Variants in SOX5 observed in about 807,000 individuals in gnomAD.
SOX5 encodes the protein transcription factor SOX-5.
A neutral mutation model predicts 92.0 loss-of-function variants in SOX5; 9 were observed. The observed-to-expected ratio is 0.10, with a 90% CI of 0.06 to 0.17. The LOEUF (loss-of-function observed/expected upper bound fraction) is 0.17, where lower values mean the gene tolerates loss of function less well. Ranked by LOEUF, SOX5 falls within the 10% of genes least tolerant of loss-of-function variation. The probability of loss-of-function intolerance (pLI) is 1.00; values close to 1 mark genes in which losing one functional copy is unlikely to be tolerated. For synonymous variants in SOX5, 344 were observed against 336.3 expected (o/e 1.02, Z -0.25); for missense variants, 642 against 944.5 (o/e 0.68, Z 4.20).
intron 2 of SOX5, among the ~76,000 whole-genome samples, chr12:24,346,537 C>T (rs1373241446): frequency 2.0e-5 from 3 of 151,124 alleles, no homozygotes; most frequent in Admixed American, 6.6e-5. Context: ...TTGCAACCTC[C>T]GCCTCCCAGA....
At chr12:23,569,196 C>A (rs146334401) in intron 10 of SOX5, among the ~76,000 whole-genome samples, 1,649 of 152,000 alleles carry the variant, frequency 0.011, 34 homozygotes, top group African/African-American at 0.038. Context: ...TGTCTAAAGA[C>A]AAAAATAAAA....
intron 3 of SOX5, among the ~76,000 whole-genome samples, chr12:24,236,340 A>G (rs747503135): frequency 2.0e-5 from 3 of 152,234 alleles, no homozygotes; most frequent in Non-Finnish European, 4.4e-5. Context: ...GTTCTAATCC[A>G]CTACATTCAT....
At chr12:24,089,994 TACGTAAGACC>T (rs1209778620) in intron 4 of SOX5, among the ~76,000 whole-genome samples, 6 of 152,158 alleles carry the variant, frequency 3.9e-5, no homozygotes, top group African/African-American at 1.4e-4. Flanking sequence ...AAGGAATCAA[TACGTAAGACC>T]ACGTAAAACA....
intron 1 of SOX5, among the ~76,000 whole-genome samples, chr12:24,387,616 C>T (rs886158310): frequency 1.3e-5 from 2 of 152,140 alleles, no homozygotes; most frequent in South Asian, 2.1e-4. Flanking sequence ...AAAAGACACA[C>T]AAGCTTCTCT....
At chr12:24,100,169 G>T (rs1454209155) in intron 4 of SOX5, among the ~76,000 whole-genome samples, 2 of 151,932 alleles carry the variant, frequency 1.3e-5, no homozygotes, top group Non-Finnish European at 2.9e-5. Flanking sequence ...CAAACGTTCT[G>T]TTATTTCCCA....
intron 1 of SOX5, among the ~76,000 whole-genome samples, chr12:24,411,108 G>T (rs1963988392): frequency 6.6e-6 from 1 of 152,000 alleles, no homozygotes; most frequent in East Asian, 1.9e-4. Flanking sequence ...TTCATTGCTA[G>T]TATTAATATA....
intron 4 of SOX5, among the ~76,000 whole-genome samples, chr12:23,965,231 G>A (rs535563292): frequency 2.0e-4 from 31 of 152,302 alleles, no homozygotes; most frequent in South Asian, 1.2e-3. Context: ...TTCATTGTCC[G>A]GAACAGGTGG....
At chr12:23,622,505 C>T (rs754104396) in intron 8 of SOX5, among the ~76,000 whole-genome samples, 4 of 143,936 alleles carry the variant, frequency 2.8e-5, no homozygotes, top group Non-Finnish European at 6.0e-5. Flanking sequence ...CAGATCTCAG[C>T]GAATTTGAAA....
intron 2 of SOX5, among the ~76,000 whole-genome samples, chr12:24,287,592 CTTTTTT>C (rs763973565): frequency 3.9e-4 from 31 of 79,696 alleles, no homozygotes; most frequent in African/African-American, 1.3e-3. Context: ...TTCTCAAATC[CTTTTTT>C]TTTTTTTTTT....
At chr12:23,579,679 TCTTA>T (rs750093999) in intron 9 of SOX5, among the ~76,000 whole-genome samples, 14 of 152,162 alleles carry the variant, frequency 9.2e-5, no homozygotes, top group African/African-American at 3.1e-4. Context: ...GTAAGACTTC[TCTTA>T]CTTTGTTTTT....
intron 1 of SOX5, among the ~76,000 whole-genome samples, chr12:24,389,531 C>A (rs1958779234): frequency 1.3e-5 from 2 of 152,298 alleles, no homozygotes; most frequent in South Asian, 4.1e-4. Context: ...GGTATTAACC[C>A]AGCATCCATT....
At chr12:23,844,374 G>A (rs919862643) in intron 3 of SOX5, among the ~76,000 whole-genome samples, 2 of 152,084 alleles carry the variant, frequency 1.3e-5, no homozygotes, top group Non-Finnish European at 1.5e-5. Context: ...TCTGCATAAA[G>A]CTAATCATAA....
intron 4 of SOX5, among the ~76,000 whole-genome samples, chr12:24,121,084 T>C (rs963592013): frequency 6.6e-6 from 1 of 152,336 alleles, no homozygotes; most frequent in Middle Eastern, 3.4e-3. Context: ...AATTCACTCA[T>C]TGCATTACCT....
chr12:23,846,318 A>T, intron 2 of SOX5, 125 bp from the exon 3 acceptor site: 1 of 777,004 alleles, frequency 1.3e-6, no homozygotes, highest in Non-Finnish European at 2.1e-6. Flanking sequence ...GTAACTTTAA[A>T]AAATTGGTTA....
At chr12:24,086,111 C>T (rs367551266) in intron 4 of SOX5, among the ~76,000 whole-genome samples, 55 of 152,080 alleles carry the variant, frequency 3.6e-4, no homozygotes, top group African/African-American at 9.6e-4. Flanking sequence ...ATTTTTTAAA[C>T]GGTTCTACCT....
chr12:24,349,451 CT>C (rs1401481740), intron 2 of SOX5, among the ~76,000 whole-genome samples: 1 of 152,234 alleles, frequency 6.6e-6, no homozygotes, highest in Non-Finnish European at 1.5e-5. Context: ...CCTCCACCCC[CT>C]GGCAACCACC....
intron 4 of SOX5, among the ~76,000 whole-genome samples, chr12:24,181,142 A>G (rs1477751979): frequency 1.3e-5 from 2 of 152,214 alleles, no homozygotes; most frequent in African/African-American, 4.8e-5. Context: ...GGAATGGTAT[A>G]CTGGTCTCAA....
At chr12:23,977,220 G>A (rs999434650) in intron 4 of SOX5, among the ~76,000 whole-genome samples, 3 of 152,112 alleles carry the variant, frequency 2.0e-5, no homozygotes, top group Admixed American at 6.6e-5. Context: ...CAATACAGGA[G>A]AAGTTTCAGA....
At chr12:24,017,585 G>C (rs1054337562) in intron 4 of SOX5, among the ~76,000 whole-genome samples, 19 of 152,012 alleles carry the variant, frequency 1.2e-4, no homozygotes, top group Non-Finnish European at 2.1e-4. Flanking sequence ...GGGTGACAGA[G>C]TGAGACTCTA....
Sources: allele counts gnomAD v4.1 joint callset (sites outside exome capture counted in the v4.1 genomes callset), GRCh38; gene constraint gnomAD v4.1.1; transcripts MANE v1.5; gene names NCBI Gene and HGNC (gene_info 2026-07-23, HGNC 2026-07-21).